CCDC74B: variants seen among roughly 807,000 people sequenced by gnomAD.
CCDC74B encodes the protein coiled-coil domain-containing protein 74B.
A neutral mutation model predicts 38.0 loss-of-function variants in CCDC74B; 34 were observed. The ratio of observed to expected loss-of-function variants is 0.89; its 90% CI spans 0.68 to 1.19. The LOEUF (loss-of-function observed/expected upper bound fraction) is 1.19. Ranked by LOEUF, CCDC74B falls within the 50% of genes most tolerant of loss-of-function variation. The pLI is 0.00. For missense variants in CCDC74B, 358 were observed against 406.0 expected, an observed-to-expected ratio of 0.88 and a Z score of 1.02; for synonymous variants, 132 against 170.4, an observed-to-expected ratio of 0.77 and a Z score of 1.76.
intron 1 of CCDC74B, chr2:130,144,507 C>T (rs2104768579): frequency 2.6e-6 from 4 of 1,548,914 alleles, no homozygotes; most frequent in African/African-American, 1.4e-5. Flanking sequence ...GCGGAGTCAG[C>T]ATCTGAAATG....
At chr2:130,141,602 C>T (rs1318929627) in intron 3 of CCDC74B, 2 of 464,914 alleles carry the variant, frequency 4.3e-6, no homozygotes, top group South Asian at 2.7e-5. Flanking sequence ...TGGGTTTCCT[C>T]GGCAAGGACA....
At chr2:130,140,634 C>G (rs2104740625) in intron 4 of CCDC74B, 2 of 518,430 alleles carry the variant, frequency 3.9e-6, no homozygotes, top group East Asian at 3.3e-5. Flanking sequence ...GATCGTGACC[C>G]CACACCCAGT....
At chr2:130,141,980 A>G (rs1297254715) in intron 3 of CCDC74B, 153 bp downstream of exon 3, 6 of 989,538 alleles carry the variant, frequency 6.1e-6, no homozygotes, top group Non-Finnish European at 7.0e-6. Flanking sequence ...CGGTGGCTTC[A>G]GCTTGCAGGG....
intron 1 of CCDC74B, 131 bp downstream of exon 1, chr2:130,144,616 C>T (rs748345692): frequency 5.2e-6 from 8 of 1,542,878 alleles, no homozygotes; most frequent in Middle Eastern, 1.8e-4. Context: ...GCAGGGCGGG[C>T]TTACCGTCCT....
In CCDC74B at chr2:130,142,709, A is replaced by G. The variant is rs761733430; in HGVS notation, c.296-526T>C. ...AACGGGAAGTGAGCTCGAGACCACA[A>G]CCCAGAATCCTGGGCTGGGTGGGGG... On this transcript the variant is annotated intron_variant, in intron 2 of 7. Transcript: ENST00000409943. 39 of 1,546,902 alleles carry G rather than the reference A, an allele frequency of 2.5e-5. No homozygotes were observed. In the South Asian group the frequency reaches 2.6e-4, roughly 10 times the overall value.
At position 130,140,106 on chromosome 2, in the gene CCDC74B, A is replaced by G. The variant is rs1398382969; in HGVS notation, c.679-10T>C. 1.4e-5 allele frequency: 22 copies of G among 1,612,944 alleles called. No homozygotes were observed. Among genetic ancestry groups the G allele is most frequent in the Non-Finnish European group, 1.8e-5 (21 of 1,179,776 alleles). On this transcript the variant is annotated splice_polypyrimidine_tract_variant and intron_variant, in intron 5 of 7. Transcript: ENST00000409943. ...ACTTGAGGTGCTGCAGCTGAAAGGC[A>G]GGGGCAGGGGCGTGGTGGGGCCTGT...
Position 130,144,846 on chromosome 2 carries a change from G to A in CCDC74B, c.151C>T (p.Leu51=), listed in dbSNP as rs780678752. ...LRQSDPQKRN[L]DLEKSLQFLQ... The stretch of plus-strand genomic sequence containing the variant: ...AACTGTAGGCTCTTCTCCAGGTCCA[G>A]GTTCCGTTTCTGCGGGTCGCTCTGC... The change falls in exon 1 of 8, where the codon CTG becomes TTG. Residue 51 remains leucine (L), a synonymous_variant. Transcript: ENST00000409943. 77 of 1,613,464 alleles carry A rather than the reference G, an allele frequency of 4.8e-5. 1 individual carries two copies. In the South Asian group the frequency reaches 7.6e-4, roughly 16 times the overall value.
chr2:130,144,521 C>T, intron 1 of CCDC74B: 2 of 1,549,460 alleles, frequency 1.3e-6, no homozygotes, highest in South Asian at 2.4e-5. Context: ...TGAAATGCTG[C>T]TGCCCTAGGA....
chr2:130,141,684 C>G, intron 3 of CCDC74B: 1 of 365,866 alleles, frequency 2.7e-6, no homozygotes, highest in South Asian at 3.5e-5. Context: ...AATGCCCGGC[C>G]TCACAGAGTG....
chr2:130,144,153 T>A (rs1201786873), intron 1 of CCDC74B, among the ~76,000 whole-genome samples: 1 of 152,208 alleles, frequency 6.6e-6, no homozygotes, highest in African/African-American at 2.4e-5. Flanking sequence ...GTTTTTGTTT[T>A]TTTTGAGACG....
chr2:130,143,859 C>T (rs1413290152), intron 1 of CCDC74B, among the ~76,000 whole-genome samples: 1 of 148,850 alleles, frequency 6.7e-6, no homozygotes, highest in Non-Finnish European at 1.5e-5. Flanking sequence ...GAAGCAAGAG[C>T]GAGGAGCGGA....
Position 130,145,108 on chromosome 2 carries a change from G to T in CCDC74B, c.-112C>A. On this transcript the variant is annotated 5_prime_UTR_variant, in exon 1 of 8. Coordinates refer to ENST00000409943, the MANE Select transcript of CCDC74B (RefSeq NM_001258307.2). The stretch of plus-strand genomic sequence containing the variant: ...AACCGGGCGACGGAGGGCGCCAGGC[G>T]TTTGGCGGGGGCGGGGCCTGTCGCT... 2 of 1,389,892 alleles carry T rather than the reference G, an allele frequency of 1.4e-6. No individual in the cohort carries two copies. The highest frequency in any genetic ancestry group is 1.9e-6 in the Non-Finnish European group (2 of 1,071,026). The allele number at this position is 1,389,892 out of a possible 1,614,324, so 86.1% of individuals were successfully genotyped here. A position where few individuals can be genotyped will look rare whatever the true frequency, so the allele number is the denominator to read the frequency against.
In CCDC74B at chr2:130,144,855, T is replaced by A. The variant is rs1685934888; in HGVS notation, c.142A>T (p.Lys48Ter). The change falls in exon 1 of 8, where the codon AAA (lysine) becomes TAA (stop). Residue 48 changes from lysine (K) to a stop codon, truncating the protein, a stop_gained. Transcript: ENST00000409943. LOFTEE classifies it high-confidence loss of function. ...CTCTTCTCCAGGTCCAGGTTCCGTTTCTGCGGGTCGCTCTGCCTGAGCTGC... is the reference window on the plus strand; with the variant it reads ...CTCTTCTCCAGGTCCAGGTTCCGTTACTGCGGGTCGCTCTGCCTGAGCTGC... Reference protein sequence around the residue: ...SPQLRQSDPQKRNLDLEKSLQ... With the variant: ...SPQLRQSDPQ The A allele has an allele frequency of 3.7e-6, 6 of 1,613,542 alleles. No homozygotes were observed. Among genetic ancestry groups the A allele is most frequent in the Middle Eastern group, 1.7e-4 (1 of 6,048 alleles).
At position 130,140,069 on chromosome 2, in the gene CCDC74B, C is replaced by T. The variant is rs762159818; in HGVS notation, c.706G>A (p.Gly236Arg). 6.2e-6 allele frequency: 10 copies of T among 1,612,368 alleles called. No individual in the cohort carries two copies. Among genetic ancestry groups the T allele is most frequent in the African/African-American group, 5.3e-5 (4 of 74,860 alleles). Reference protein sequence around the residue: ...ELQHLKSLLEGSQRPQAVPEE... With the variant: ...ELQHLKSLLERSQRPQAVPEE... ...GGGACTGCCTGGGGCCTCTGGCTCC[C>T]TTCCAGGAGGGACTTGAGGTGCTGC... Residue 236 changes from glycine (G) to arginine (R), a missense_variant, in exon 6 of 8, where the codon GGG (glycine) becomes AGG (arginine). Gly to Arg is a moderately radical substitution (Grantham distance 125, BLOSUM62 -2). This residue lies in a region of CCDC74B where 213 missense variants were observed against 212.3 expected (regional missense o/e 1.00). Coordinates refer to ENST00000409943, the MANE Select transcript of CCDC74B (RefSeq NM_001258307.2).
chr2:130,142,793 C>T lies in CCDC74B; in HGVS notation c.295+476G>A, dbSNP rs1271432031. 17 of 1,549,440 alleles carry T rather than the reference C, an allele frequency of 1.1e-5. No homozygotes were observed. In the East Asian group the frequency reaches 3.4e-4, roughly 31 times the overall value. On this transcript the variant is annotated intron_variant, in intron 2 of 7. Coordinates refer to ENST00000409943, the MANE Select transcript of CCDC74B (RefSeq NM_001258307.2). ...TGGCAAGGAAACAGGACTCTGCTTC[C>T]TCCCTTTGTCCCCATGGTTGCTGCC...
chr2:130,139,534 C>T lies in CCDC74B; in HGVS notation c.*21G>A, dbSNP rs758665665. The T allele has an allele frequency of 6.2e-7, 1 of 1,612,872 alleles. No individual in the cohort carries two copies. The highest frequency in any genetic ancestry group is 8.5e-7 in the Non-Finnish European group (1 of 1,179,714). On this transcript the variant is annotated 3_prime_UTR_variant, in exon 8 of 8. Coordinates refer to ENST00000409943, the MANE Select transcript of CCDC74B (RefSeq NM_001258307.2). ...TCCAGCTGCAGGTTGGTGGGCCTGG[C>T]ACTGACCAGATGCGGGTAGCTCAAA...
At chr2:130,144,711 G>A in intron 1 of CCDC74B, 36 bp downstream of exon 1, 1 of 1,607,328 alleles carries the variant, frequency 6.2e-7, no homozygotes, top group Non-Finnish European at 8.5e-7. Flanking sequence ...TGTGCCTGGG[G>A]AGGCAGGGCC....
rs540783590 is a variant in CCDC74B, at chr2:130,139,463, G to A, written c.*92C>T. ...GTTATCTATCTTGGAATTTAGCCAG[G>A]CCTAAAAGTAGCGGAAGTGTCAGGA... On this transcript the variant is annotated 3_prime_UTR_variant, in exon 8 of 8. Coordinates refer to ENST00000409943, the MANE Select transcript of CCDC74B (RefSeq NM_001258307.2). The A allele has an allele frequency of 5.8e-5, 86 of 1,475,872 alleles. No individual in the cohort carries two copies. The African/African-American group carries it at 1.1e-3, about 19-fold the overall frequency. 91.4% of individuals were successfully genotyped at this position (1,475,872 alleles called of 1,614,324 possible).
intron 1 of CCDC74B, among the ~76,000 whole-genome samples, chr2:130,143,951 G>T (rs1258935776): frequency 6.7e-6 from 1 of 148,374 alleles, no homozygotes; most frequent in African/African-American, 2.5e-5. Flanking sequence ...AGGGGGGCGT[G>T]GGGGTGAGGA....
Sources: allele counts gnomAD v4.1 joint callset (sites outside exome capture counted in the v4.1 genomes callset), GRCh38; gene constraint gnomAD v4.1.1; regional missense constraint gnomAD v4.1.1; transcripts MANE v1.5; gene names NCBI Gene and HGNC (gene_info 2026-07-23, HGNC 2026-07-21).